The following DGKB variants were observed in gnomAD, a reference collection of about 807,000 sequenced individuals.
DGKB encodes the protein 90 kDa diacylglycerol kinase.
DGKB carries 67 observed loss-of-function variants against 114.3 expected under a neutral mutation model. The observed-to-expected ratio is 0.59, with a 90% CI of 0.48 to 0.72. The LOEUF (loss-of-function observed/expected upper bound fraction) is 0.72. Ranked by LOEUF, DGKB falls within the 30% of genes least tolerant of loss-of-function variation. The probability of loss-of-function intolerance (pLI) is 0.00; values close to 1 mark genes in which losing one functional copy is unlikely to be tolerated. For missense variants in DGKB, 907 were observed against 975.2 expected (o/e 0.93, Z 0.93); for synonymous variants, 398 against 323.1 (o/e 1.23, Z -2.49).
Position 14,656,749 on chromosome 7 carries a change from T to TACAC in DGKB, c.1134+16179_1134+16180insGTGT, listed in dbSNP as rs777452419. ...ATATATATACAGTATATATATAGGA[T>TACAC]ATATACACACACACACACACACATA... On this transcript the variant is annotated intron_variant, in intron 13 of 25. Transcript: ENST00000402815. Among the ~76,000 whole-genome samples the TACAC allele has an allele frequency of 9.8e-3, 490 of 50,146 alleles. 3 individuals carry two copies. The highest frequency in any genetic ancestry group is 0.013 in the Non-Finnish European group (359 of 27,200). The allele number at this position is 50,146 out of a possible 152,430, so 32.9% of individuals were successfully genotyped here.
intron 23 of DGKB, among the ~76,000 whole-genome samples, chr7:14,316,323 CA>C (rs1457791355): frequency 1.4e-5 from 2 of 139,724 alleles, no homozygotes; most frequent in East Asian, 4.2e-4. Flanking sequence ...AAAAACCCTT[CA>C]AAAAATTAAT....
intron 2 of DGKB, among the ~76,000 whole-genome samples, chr7:14,761,101 T>G (rs1323738834): frequency 6.6e-6 from 1 of 151,428 alleles, no homozygotes; most frequent in Admixed American, 6.6e-5. Flanking sequence ...TCTAATATCT[T>G]AATATTTGAA....
intron 21 of DGKB, among the ~76,000 whole-genome samples, chr7:14,403,271 T>G (rs1823420747): frequency 6.6e-6 from 1 of 151,892 alleles, no homozygotes; most frequent in Admixed American, 6.6e-5. Flanking sequence ...CAGAATCAGT[T>G]TCTGCTCCTA....
intron 20 of DGKB, among the ~76,000 whole-genome samples, chr7:14,504,291 T>C (rs1372502490): frequency 1.3e-5 from 2 of 152,194 alleles, no homozygotes. Flanking sequence ...ATGGAGTAGC[T>C]GGTTTGGATA....
chr7:14,729,094 C>T (rs1830453131), intron 5 of DGKB, among the ~76,000 whole-genome samples: 1 of 148,856 alleles, frequency 6.7e-6, no homozygotes, highest in African/African-American at 2.5e-5. Context: ...CCTCTCCCCA[C>T]TAGAATGGAA....
At chr7:14,465,293 A>C (rs559555949) in intron 21 of DGKB, among the ~76,000 whole-genome samples, 14 of 152,286 alleles carry the variant, frequency 9.2e-5, no homozygotes, top group African/African-American at 2.9e-4. Flanking sequence ...ATAGAACTAT[A>C]ATAAATATTT....
chr7:14,584,990 T>A (rs1013129442), intron 17 of DGKB, among the ~76,000 whole-genome samples: 2 of 152,104 alleles, frequency 1.3e-5, no homozygotes, highest in Non-Finnish European at 2.9e-5. Flanking sequence ...TTAAAACTCT[T>A]TGCATATTAC....
chr7:14,586,994 G>C (rs138300379), intron 17 of DGKB, among the ~76,000 whole-genome samples: 59 of 152,208 alleles, frequency 3.9e-4, no homozygotes, highest in Admixed American at 1.6e-3. Flanking sequence ...GCAGCTCGTC[G>C]ATCAAGGAGT....
intron 21 of DGKB, among the ~76,000 whole-genome samples, chr7:14,359,275 C>G (rs182821798): frequency 1.3e-5 from 2 of 151,982 alleles, no homozygotes; most frequent in African/African-American, 2.4e-5. Flanking sequence ...ATGGAGAAAG[C>G]GGAAACTGGA....
At chr7:14,692,565 T>C (rs1042081596) in intron 9 of DGKB, among the ~76,000 whole-genome samples, 1 of 151,920 alleles carries the variant, frequency 6.6e-6, no homozygotes, top group Non-Finnish European at 1.5e-5. Flanking sequence ...ATATTGATAA[T>C]ATAGAGCTAA....
In DGKB at chr7:14,493,390, TAATAAC is replaced by T. The variant is rs1265171364; in HGVS notation, c.1771-15171_1771-15166del. Among the ~76,000 whole-genome samples the T allele has an allele frequency of 2.0e-5, 3 of 152,154 alleles. No individual in the cohort carries two copies. In the East Asian group the frequency reaches 5.8e-4, roughly 29 times the overall value. ...TAAATTAGAAATTAGGTACAGTAAATAATAACAATAACTAATAATAAAATAGAACAA... is the reference window on the plus strand; with the variant it reads ...TAAATTAGAAATTAGGTACAGTAAATAATAACTAATAATAAAATAGAACAA... On this transcript the variant is annotated intron_variant, in intron 20 of 25. Coordinates refer to ENST00000402815, the MANE Select transcript of DGKB (RefSeq NM_001350709.2).
At chr7:14,362,344 A>G (rs961936340) in intron 21 of DGKB, among the ~76,000 whole-genome samples, 1 of 152,074 alleles carries the variant, frequency 6.6e-6, no homozygotes, top group Non-Finnish European at 1.5e-5. Context: ...TAATCATTTG[A>G]GACAGATGAG....
At chr7:14,876,317 T>A (rs575670092) in intron 1 of DGKB, among the ~76,000 whole-genome samples, 1 of 152,208 alleles carries the variant, frequency 6.6e-6, no homozygotes, top group Non-Finnish European at 1.5e-5. Flanking sequence ...AAAACTACAG[T>A]GAGCTGCTAC....
intron 23 of DGKB, among the ~76,000 whole-genome samples, chr7:14,238,144 C>T (rs1793082998): frequency 6.6e-6 from 1 of 152,006 alleles, no homozygotes; most frequent in Admixed American, 6.6e-5. Flanking sequence ...TGGTTTGGCT[C>T]TGTGTCCCCA....
At chr7:14,196,058 G>A (rs1784979287) in intron 23 of DGKB, among the ~76,000 whole-genome samples, 1 of 152,072 alleles carries the variant, frequency 6.6e-6, no homozygotes, top group Non-Finnish European at 1.5e-5. Flanking sequence ...ATATCATGAC[G>A]TCTGGTGACT....
At chr7:14,859,707 T>C (rs1850696550) in intron 1 of DGKB, among the ~76,000 whole-genome samples, 1 of 152,254 alleles carries the variant, frequency 6.6e-6, no homozygotes, top group South Asian at 2.1e-4. Flanking sequence ...AACATTTACT[T>C]CGGAACTTTA....
chr7:14,698,124 G>A lies in DGKB; in HGVS notation c.562C>T (p.Leu188Phe). The change falls in exon 8 of 26, where the codon CTT becomes TTT. Residue 188 changes from leucine to phenylalanine, a missense_variant. Coordinates refer to ENST00000402815, the MANE Select transcript of DGKB (RefSeq NM_001350709.2). ...TTAAGTTCAGTGACATCCCACTCAA[G>A]GTATTCTGCAACATGCATCATCTGA... ...ISQMMHVAEY[L>F]EWDVTELNPI... 1 of 1,543,946 alleles carries A rather than the reference G, an allele frequency of 6.5e-7. No individual in the cohort carries two copies. The highest frequency in any genetic ancestry group is 8.7e-7 in the Non-Finnish European group (1 of 1,148,176).
At chr7:14,303,982 TTCTC>T (rs778513025) in intron 23 of DGKB, among the ~76,000 whole-genome samples, 8 of 151,424 alleles carry the variant, frequency 5.3e-5, no homozygotes, top group Non-Finnish European at 2.9e-5. Context: ...GATAATGCAC[TTCTC>T]TCTTTTATTT....
intron 2 of DGKB, among the ~76,000 whole-genome samples, chr7:14,813,349 G>C (rs1843680205): frequency 6.6e-6 from 1 of 152,134 alleles, no homozygotes; most frequent in African/African-American, 2.4e-5. Flanking sequence ...TATGAGGATT[G>C]CTCTTGGGAA....
Sources: gnomAD v4.1 joint callset for allele counts (sites outside exome capture counted in the v4.1 genomes callset) on GRCh38, gnomAD v4.1.1 for gene constraint, MANE v1.5 for transcripts, NCBI Gene and HGNC (gene_info 2026-07-23, HGNC 2026-07-21) for gene names.